The following ERMP1 variants were observed in gnomAD, a reference collection of about 807,000 sequenced individuals.
The protein encoded by ERMP1 is endoplasmic reticulum metallopeptidase 1.
Under a neutral mutation model 92.0 loss-of-function variants are expected in ERMP1, and 86 were observed. That is an observed-to-expected ratio of 0.93 (90% CI 0.79 to 1.12). The LOEUF is 1.12. Ranked by LOEUF, ERMP1 falls within the 50% of genes most tolerant of loss-of-function variation. The pLI, the probability that ERMP1 is intolerant of heterozygous loss-of-function variation, is 0.00. For synonymous variants in ERMP1, 530 were observed against 412.8 expected, an observed-to-expected ratio of 1.28 and a Z score of -3.44; for missense variants, 1,342 against 1,116.3, an observed-to-expected ratio of 1.20 and a Z score of -2.88.
intron 6 of ERMP1, among the ~76,000 whole-genome samples, chr9:5,848,691 C>T (rs1830269054): frequency 4.2e-5 from 1 of 23,884 alleles, no homozygotes; most frequent in Non-Finnish European, 1.4e-4. Flanking sequence ...CCTCTCTCTA[C>T]CTCCACCCTG....
chr9:5,821,285 TA>T (rs556281790), intron 4 of ERMP1, among the ~76,000 whole-genome samples: 1 of 152,258 alleles, frequency 6.6e-6, no homozygotes, highest in Non-Finnish European at 1.5e-5. Context: ...ACAGAGAATT[TA>T]AACTGTTGTT....
intron 6 of ERMP1, among the ~76,000 whole-genome samples, chr9:5,859,041 C>T (rs1830423951): frequency 6.6e-6 from 1 of 152,222 alleles, no homozygotes; most frequent in South Asian, 2.1e-4. Flanking sequence ...CCATGTAATG[C>T]ATGGTAGCTT....
intron 13 of ERMP1, among the ~76,000 whole-genome samples, chr9:5,797,406 TTG>T (rs1202967759): frequency 6.6e-6 from 1 of 151,912 alleles, no homozygotes; most frequent in Non-Finnish European, 1.5e-5. Context: ...TCCCAGCACT[TTG>T]GGAGGCCGAG....
chr9:5,811,372 A>T, intron 6 of ERMP1, 49 bp from the exon 7 acceptor site: 2 of 1,413,612 alleles, frequency 1.4e-6, no homozygotes, highest in Non-Finnish European at 2.0e-6. Flanking sequence ...AAAGATAAAA[A>T]GGCTGAATAA....
Position 5,832,777 on chromosome 9 carries a change from A to G in ERMP1, c.251T>C (p.Leu84Pro). The stretch of plus-strand genomic sequence containing the variant: ...CAGCGAGAGCTGCACCAGCGTCCGC[A>G]GCGCGATCAGGTAGAGCGCGAGCCC... ...ALGLALYLIA[L>P]RTLVQLSLQQ... The change falls in exon 1 of 15, where the codon CTG becomes CCG. Residue 84 changes from leucine to proline, a missense_variant. Physicochemically the swap from Leu to Pro is moderately conservative, Grantham distance 98. Coordinates refer to ENST00000339450, the MANE Select transcript of ERMP1 (RefSeq NM_024896.3). 1 of 1,500,264 alleles carries G rather than the reference A, an allele frequency of 6.7e-7. No individual in the cohort carries two copies. 92.9% of individuals were successfully genotyped at this position (1,500,264 alleles called of 1,614,324 possible). A position where few individuals can be genotyped will look rare whatever the true frequency, so the allele number is the denominator to read the frequency against.
intron 4 of ERMP1, among the ~76,000 whole-genome samples, chr9:5,816,357 T>G (rs948482645): frequency 6.6e-6 from 1 of 152,216 alleles, no homozygotes; most frequent in South Asian, 2.1e-4. Context: ...TTATCTGAGA[T>G]GATCATCCTG....
At chr9:5,856,874 A>T (rs1479839804) in intron 6 of ERMP1, among the ~76,000 whole-genome samples, 1 of 152,140 alleles carries the variant, frequency 6.6e-6, no homozygotes, top group Non-Finnish European at 1.5e-5. Flanking sequence ...GTATACATGG[A>T]ATTTTCTTTG....
At chr9:5,861,195 G>GTGTGTA (rs1554630214) in intron 5 of ERMP1, among the ~76,000 whole-genome samples, 2 of 107,904 alleles carry the variant, frequency 1.9e-5, no homozygotes, top group Non-Finnish European at 3.9e-5. Flanking sequence ...GTGTGTGTGT[G>GTGTGTA]TGTGTGTGTG....
intron 4 of ERMP1, among the ~76,000 whole-genome samples, chr9:5,817,224 C>A (rs1303063661): frequency 6.7e-6 from 1 of 149,766 alleles, no homozygotes; most frequent in African/African-American, 2.5e-5. Flanking sequence ...GTCTCTCGCT[C>A]TGTCGTCCAG....
intron 4 of ERMP1, among the ~76,000 whole-genome samples, 176 bp from the exon 5 acceptor site, chr9:5,813,211 C>T (rs1362159249): frequency 6.6e-6 from 1 of 152,132 alleles, no homozygotes; most frequent in Admixed American, 6.5e-5. Context: ...ATGTGTTTGA[C>T]TTTTAGAATA....
chr9:5,794,005 T>G (rs868293657), intron 13 of ERMP1, among the ~76,000 whole-genome samples: 10 of 152,108 alleles, frequency 6.6e-5, no homozygotes, highest in African/African-American at 2.4e-4. Flanking sequence ...GCATACTGCT[T>G]GAAATGGAAC....
rs962303613 is a variant in ERMP1, at chr9:5,795,412, A to G, written c.2386+2405T>C. 3.3e-5 allele frequency among the ~76,000 whole-genome samples: 5 copies of G among 152,234 alleles called. No homozygotes were observed. In the South Asian group the frequency reaches 1.0e-3, roughly 32 times the overall value. Reference sequence around the variant, plus strand: ...GATAATGTAACAAGTCAAGAAGTGGAAATAAAAATTATAGATATTAGGAAG... The same window carrying G: ...GATAATGTAACAAGTCAAGAAGTGGGAATAAAAATTATAGATATTAGGAAG... On this transcript the variant is annotated intron_variant, in intron 13 of 14. Transcript: ENST00000339450.
intron 3 of ERMP1, among the ~76,000 whole-genome samples, chr9:5,824,297 G>A (rs757346535): frequency 2.6e-5 from 4 of 152,202 alleles, no homozygotes; most frequent in Non-Finnish European, 5.9e-5. Flanking sequence ...AAGAGGGCCA[G>A]GCACGGTGGC....
chr9:5,862,457 C>G (rs1487752267), intron 5 of ERMP1, among the ~76,000 whole-genome samples: 2 of 152,142 alleles, frequency 1.3e-5, no homozygotes, highest in Non-Finnish European at 2.9e-5. Flanking sequence ...CTCAGCCTCC[C>G]AAGTAGCTAG....
intron 6 of ERMP1, among the ~76,000 whole-genome samples, chr9:5,841,303 G>A (rs1478714276): frequency 6.6e-6 from 1 of 152,216 alleles, no homozygotes; most frequent in Non-Finnish European, 1.5e-5. Flanking sequence ...GTACTATAAT[G>A]GGATGAGCCT....
chr9:5,820,644 G>A (rs370991747), intron 4 of ERMP1, among the ~76,000 whole-genome samples: 42 of 152,242 alleles, frequency 2.8e-4, no homozygotes, highest in African/African-American at 9.4e-4. Flanking sequence ...AATGAATGTC[G>A]CTCTCAGAAG....
In ERMP1 at chr9:5,785,085, C is replaced by T. The variant is rs1381020687; in HGVS notation, c.*2059G>A. ...ATTTAAATGACCTCCCAGAATATTA[C>T]ACAAGCCCTGAGACTAGTGAGCATC... is the stretch of plus-strand genomic sequence containing the variant. On this transcript the variant is annotated 3_prime_UTR_variant, in exon 15 of 15. Coordinates refer to ENST00000339450, the MANE Select transcript of ERMP1 (RefSeq NM_024896.3). The T allele has an allele frequency of 6.6e-6, 1 of 152,118 alleles. No individual in the cohort carries two copies. Among genetic ancestry groups the T allele is most frequent in the Non-Finnish European group, 1.5e-5 (1 of 68,034 alleles). The allele number at this position is 152,118 out of a possible 1,614,324, so 9.4% of individuals were successfully genotyped here.
In ERMP1 at chr9:5,785,176, G is replaced by A. The variant is rs1009759323; in HGVS notation, c.*1968C>T. Reference sequence around the variant, plus strand: ...AAAGAAAACCAAAACAAAAGACAATGGTTTACACAGGGAAATAACCCTAAG... The same window carrying A: ...AAAGAAAACCAAAACAAAAGACAATAGTTTACACAGGGAAATAACCCTAAG... On this transcript the variant is annotated 3_prime_UTR_variant, in exon 15 of 15. Coordinates refer to ENST00000339450, the MANE Select transcript of ERMP1 (RefSeq NM_024896.3). 4 of 151,782 alleles carry A rather than the reference G, an allele frequency of 2.6e-5. No homozygotes were observed. The highest frequency in any genetic ancestry group is 9.7e-5 in the African/African-American group (4 of 41,284). 9.4% of individuals were successfully genotyped at this position (151,782 alleles called of 1,614,324 possible).
At chr9:5,833,656 T>TTATCTTTA (rs1830040687), upstream of ERMP1, among the ~76,000 whole-genome samples, 2 of 152,266 alleles carry the variant, frequency 1.3e-5, no homozygotes, top group Non-Finnish European at 2.9e-5. Context: ...AGTCCTTTAA[T>TTATCTTTA]ACATCATCTT....
Sources: gnomAD v4.1 joint callset for allele counts (sites outside exome capture counted in the v4.1 genomes callset) on GRCh38, gnomAD v4.1.1 for gene constraint, MANE v1.5 for transcripts, NCBI Gene and HGNC (gene_info 2026-07-23, HGNC 2026-07-21) for gene names.